BCL2L13: variants seen among roughly 807,000 people sequenced by gnomAD.
The protein encoded by BCL2L13 is bcl-2-like protein 13.
In BCL2L13, 13 loss-of-function variants were observed where a neutral mutation model predicts 25.8. The observed-to-expected ratio is 0.50, with a 90% CI of 0.33 to 0.80. The LOEUF (loss-of-function observed/expected upper bound fraction) is 0.80. Ranked by LOEUF, BCL2L13 falls within the 30% of genes least tolerant of loss-of-function variation. BCL2L13 has a pLI of 0.02. For missense variants in BCL2L13, 504 were observed against 574.9 expected (o/e 0.88, Z 1.26); for synonymous variants, 244 against 230.3 (o/e 1.06, Z -0.54).
At chr22:17,656,024 C>T (rs2058842697) in intron 2 of BCL2L13, among the ~76,000 whole-genome samples, 192 bp downstream of exon 2, 2 of 152,056 alleles carry the variant, frequency 1.3e-5, no homozygotes, top group South Asian at 2.1e-4. Context: ...GAGCAGATCA[C>T]GAAGTCAGGA....
intron 1 of BCL2L13, among the ~76,000 whole-genome samples, chr22:17,652,395 C>T (rs958098145): frequency 6.6e-6 from 1 of 152,130 alleles, no homozygotes; most frequent in Non-Finnish European, 1.5e-5. Context: ...TGTGTAAAAT[C>T]ATGAAATATA....
chr22:17,640,320 A>C (rs959553721), intron 1 of BCL2L13, among the ~76,000 whole-genome samples: 1 of 151,992 alleles, frequency 6.6e-6, no homozygotes, highest in African/African-American at 2.4e-5. Flanking sequence ...TTTTTTTCCA[A>C]TGGCTCATTT....
upstream of BCL2L13, chr22:17,638,704 GT>G: frequency 8.1e-7 from 1 of 1,231,766 alleles, no homozygotes; most frequent in East Asian, 3.2e-5. Context: ...ATGTCAGGTA[GT>G]TCAGGTCCCG....
chr22:17,669,102 A>G (rs1474588087), intron 2 of BCL2L13, among the ~76,000 whole-genome samples: 1 of 132,304 alleles, frequency 7.6e-6, no homozygotes, highest in Non-Finnish European at 1.5e-5. Flanking sequence ...GTGCGATCTC[A>G]GCTCACTGCA....
chr22:17,683,358 T>A, intron 3 of BCL2L13, 37 bp downstream of exon 3: 1 of 1,230,948 alleles, frequency 8.1e-7, no homozygotes, highest in Non-Finnish European at 1.2e-6. Flanking sequence ...AATAAGCAGA[T>A]TGTGTTTGTT....
intron 3 of BCL2L13, chr22:17,684,493 G>A (rs1439273186): frequency 4.6e-6 from 2 of 436,730 alleles, no homozygotes; most frequent in African/African-American, 2.0e-5. Flanking sequence ...GGCACCCACT[G>A]ATCTCCATTC....
chr22:17,726,482 C>T (rs1372305677), intron 6 of BCL2L13, among the ~76,000 whole-genome samples, 195 bp from the exon 7 acceptor site: 1 of 152,002 alleles, frequency 6.6e-6, no homozygotes, highest in Non-Finnish European at 1.5e-5. Flanking sequence ...TTCAAGGAGA[C>T]TGCTCAGAAG....
At chr22:17,630,158 G>A (rs1018266623) in intron 1 of BCL2L13, among the ~76,000 whole-genome samples, 13 of 150,930 alleles carry the variant, frequency 8.6e-5, no homozygotes, top group Middle Eastern at 3.4e-3. Flanking sequence ...CAGAGGTTGC[G>A]GTGAGCCAAG....
chr22:17,631,753 C>G (rs1397982948), intron 1 of BCL2L13, among the ~76,000 whole-genome samples: 1 of 94,502 alleles, frequency 1.1e-5, no homozygotes, highest in Admixed American at 1.4e-4. Context: ...TGGAGTTTCG[C>G]TATTGTTGCC....
At chr22:17,646,889 TGTG>T (rs1315743411) in intron 1 of BCL2L13, among the ~76,000 whole-genome samples, 4 of 2,692 alleles carry the variant, frequency 1.5e-3, no homozygotes, top group African/African-American at 8.0e-3. Context: ...CCAGCTAATT[TGTG>T]TGTGTGTGTG....
At chr22:17,661,977 G>T (rs1309601237) in intron 2 of BCL2L13, among the ~76,000 whole-genome samples, 1 of 148,520 alleles carries the variant, frequency 6.7e-6, no homozygotes, top group Non-Finnish European at 1.5e-5. Flanking sequence ...GGCAACGAGA[G>T]TGAAACTCCA....
rs753166854 is a variant in BCL2L13, at chr22:17,727,305, G to C, written c.1229G>C (p.Ser410Thr). 7.4e-6 allele frequency: 12 copies of C among 1,614,128 alleles called. No homozygotes were observed. The East Asian group carries it at 2.4e-4, about 33-fold the overall frequency. The part of the protein sequence containing the change: ...PALEPTETLL[S>T]EKEINAREES... ...CTGGAACCCACAGAAACGCTGCTGA[G>C]TGAGAAGGAGATAAACGCAAGGGAA... Residue 410 changes from serine to threonine, a missense_variant, in exon 7 of 7, where the codon AGT becomes ACT. Coordinates refer to ENST00000317582, the MANE Select transcript of BCL2L13 (RefSeq NM_015367.4).
At chr22:17,710,067 TAA>T (rs71201876) in intron 6 of BCL2L13, among the ~76,000 whole-genome samples, 100 of 91,798 alleles carry the variant, frequency 1.1e-3, no homozygotes, top group African/African-American at 4.6e-3. Flanking sequence ...GACCTTGTCT[TAA>T]AAAAAAAAAA....
intron 6 of BCL2L13, among the ~76,000 whole-genome samples, chr22:17,706,182 C>G (rs1454112017): frequency 6.6e-6 from 1 of 151,956 alleles, no homozygotes; most frequent in Non-Finnish European, 1.5e-5. Flanking sequence ...CCACACTTGG[C>G]TTATTTTTTG....
Position 17,689,043 on chromosome 22 carries a change from C to G in BCL2L13, c.287C>G (p.Pro96Arg). The G allele has an allele frequency of 1.2e-6, 2 of 1,614,142 alleles. No individual in the cohort carries two copies. Among genetic ancestry groups the G allele is most frequent in the Non-Finnish European group, 1.7e-6 (2 of 1,180,004 alleles). ...HTSPVFSPANPESSMEDCLAH... is the reference protein window; with the variant it reads ...HTSPVFSPANRESSMEDCLAH... ...TCTCCAGTGTTCAGCCCTGCCAATC[C>G]AGAAAGCTCAATGGAAGACTGCTTG... Residue 96 changes from proline (P) to arginine (R), a missense_variant, in exon 4 of 7, where the codon CCA (proline) becomes CGA (arginine). Coordinates refer to ENST00000317582, the MANE Select transcript of BCL2L13 (RefSeq NM_015367.4).
chr22:17,689,214 T>C, intron 4 of BCL2L13, 72 bp downstream of exon 4: 2 of 1,411,064 alleles, frequency 1.4e-6, no homozygotes, highest in Non-Finnish European at 1.9e-6. Flanking sequence ...ACTGGATTGG[T>C]TAGGGCTGTG....
At chr22:17,712,755 G>A (rs182957615) in intron 6 of BCL2L13, among the ~76,000 whole-genome samples, 93 of 152,290 alleles carry the variant, frequency 6.1e-4, no homozygotes, top group South Asian at 2.1e-4. Flanking sequence ...GTTCTCCTCC[G>A]TCTTGGACCT....
At chr22:17,655,277 C>T (rs2058817976) in intron 1 of BCL2L13, among the ~76,000 whole-genome samples, 1 of 150,956 alleles carries the variant, frequency 6.6e-6, no homozygotes, top group African/African-American at 2.4e-5. Context: ...GGAGGACCAC[C>T]TGCCCTGAGG....
At chr22:17,723,111 C>T (rs1327607837) in intron 6 of BCL2L13, among the ~76,000 whole-genome samples, 1 of 152,122 alleles carries the variant, frequency 6.6e-6, no homozygotes, top group East Asian at 1.9e-4. Context: ...TTAGGATCTC[C>T]ATGTCTTTGC....
Sources: gnomAD v4.1 joint callset for allele counts (sites outside exome capture counted in the v4.1 genomes callset) on GRCh38, gnomAD v4.1.1 for gene constraint, MANE v1.5 for transcripts, NCBI Gene and HGNC (gene_info 2026-07-23, HGNC 2026-07-21) for gene names.